NSD3: variants seen among roughly 807,000 people sequenced by gnomAD.
The protein encoded by NSD3 is histone-lysine N-methyltransferase NSD3.
NSD3 carries 24 observed loss-of-function variants against 160.8 expected under a neutral mutation model. The observed-to-expected ratio is 0.15, with a 90% CI of 0.11 to 0.21. The LOEUF (loss-of-function observed/expected upper bound fraction) is 0.21. Among genes scored for constraint, NSD3 ranks in the 10% least tolerant of loss-of-function variants. The probability of loss-of-function intolerance (pLI) is 1.00; values close to 1 mark genes in which losing one functional copy is unlikely to be tolerated. For synonymous variants in NSD3, 520 were observed against 600.0 expected, an observed-to-expected ratio of 0.87 and a Z score of 1.95; for missense variants, 1,157 against 1,735.9, an observed-to-expected ratio of 0.67 and a Z score of 5.93.
chr8:38,379,790 A>G (rs989554560), intron 1 of NSD3, among the ~76,000 whole-genome samples: 1 of 152,230 alleles, frequency 6.6e-6, no homozygotes, highest in Non-Finnish European at 1.5e-5. Flanking sequence ...TTCAATATCA[A>G]TGTGATAGGT....
At chr8:38,314,416 A>G (rs1809607391) in intron 12 of NSD3, among the ~76,000 whole-genome samples, 1 of 152,196 alleles carries the variant, frequency 6.6e-6, no homozygotes. Context: ...ATAAAACACA[A>G]ATTCATCTTG....
chr8:38,358,627 A>G (rs935308857), intron 1 of NSD3, among the ~76,000 whole-genome samples: 3 of 152,218 alleles, frequency 2.0e-5, no homozygotes, highest in Admixed American at 6.5e-5. Context: ...CATAAAGACA[A>G]GCTTAAGCAT....
At chr8:38,315,696 A>G (rs1474785222) in intron 10 of NSD3, 152 bp from the exon 11 acceptor site, 7 of 1,273,740 alleles carry the variant, frequency 5.5e-6, no homozygotes, top group East Asian at 2.5e-5. Context: ...CACAGATATC[A>G]TAGGTCTGCT....
chr8:38,348,592 A>C (rs1362131412), intron 1 of NSD3, among the ~76,000 whole-genome samples: 1 of 152,206 alleles, frequency 6.6e-6, no homozygotes, highest in Non-Finnish European at 1.5e-5. Flanking sequence ...CTTCCATAAG[A>C]GCTTCCTTTA....
chr8:38,276,014 A>C (rs1431767817), intron 23 of NSD3, 132 bp from the exon 24 acceptor site: 7 of 890,330 alleles, frequency 7.9e-6, no homozygotes, highest in Non-Finnish European at 1.2e-5. Context: ...TCCAAATTTC[A>C]ACCAAACATA....
chr8:38,332,994 A>G (rs1005594313), intron 4 of NSD3, among the ~76,000 whole-genome samples: 8 of 152,188 alleles, frequency 5.3e-5, no homozygotes, highest in African/African-American at 1.9e-4. Flanking sequence ...ACCCAAGCAC[A>G]AATCTAATTA....
chr8:38,272,695 TTTAAG>T lies in NSD3; in HGVS notation c.*2941_*2945del, dbSNP rs1195476482. Reference sequence around the variant, plus strand: ...AAATACCACCATTAGCCCATGCTGCTTTAAGTTATTTCATTGTTGGACAAGAATAA... The same window carrying T: ...AAATACCACCATTAGCCCATGCTGCTTTATTTCATTGTTGGACAAGAATAA... On this transcript the variant is annotated 3_prime_UTR_variant, in exon 24 of 24. Transcript: ENST00000317025. 4.6e-5 allele frequency: 7 copies of T among 152,272 alleles called. No homozygotes were observed. The highest frequency in any genetic ancestry group is 2.6e-4 in the Admixed American group (4 of 15,290). The allele number at this position is 152,272 out of a possible 1,614,324, so 9.4% of individuals were successfully genotyped here. A position where few individuals can be genotyped will look rare whatever the true frequency, so the allele number is the denominator to read the frequency against.
At chr8:38,342,374 A>C (rs774924656) in intron 2 of NSD3, among the ~76,000 whole-genome samples, 1 of 152,198 alleles carries the variant, frequency 6.6e-6, no homozygotes, top group African/African-American at 2.4e-5. Context: ...AGAAAGAGAA[A>C]ACATCAGAGA....
Position 38,337,479 on chromosome 8 carries a change from G to T in NSD3, c.748-12C>A, listed in dbSNP as rs755536362. On this transcript the variant is annotated splice_polypyrimidine_tract_variant and intron_variant, in intron 3 of 23. Transcript: ENST00000317025. Reference sequence around the variant, plus strand: ...AGTATTGGCTGAACCTACAGGAAAGGGTCAAAAAACTTCATCAGAAATTCA... The same window carrying T: ...AGTATTGGCTGAACCTACAGGAAAGTGTCAAAAAACTTCATCAGAAATTCA... The T allele has an allele frequency of 9.8e-6, 15 of 1,529,040 alleles. No individual in the cohort carries two copies. The highest frequency in any genetic ancestry group is 1.3e-5 in the Non-Finnish European group (15 of 1,144,546). 94.7% of individuals were successfully genotyped at this position (1,529,040 alleles called of 1,614,324 possible).
Position 38,317,582 on chromosome 8 carries a change from T to C in NSD3, c.1855+1313A>G. The stretch of plus-strand genomic sequence containing the variant: ...TAATATTAAAAAAAATAAGAACTTT[T>C]AATGATTGTAATGTATACAGTTTGG... On this transcript the variant is annotated intron_variant, in intron 9 of 23. Transcript: ENST00000317025. The surrounding 1 kb of genome is among the most constrained non-coding windows in gnomAD (Gnocchi z 5.3). 9.3e-7 allele frequency: 1 copy of C among 1,070,812 alleles called. No homozygotes were observed. 66.3% of individuals were successfully genotyped at this position (1,070,812 alleles called of 1,614,324 possible). A position where few individuals can be genotyped will look rare whatever the true frequency, so the allele number is the denominator to read the frequency against.
intron 15 of NSD3, 79 bp from the exon 16 acceptor site, chr8:38,296,031 C>T: frequency 7.2e-7 from 1 of 1,388,190 alleles, no homozygotes; most frequent in Non-Finnish European, 9.6e-7. Flanking sequence ...GTTATCTTTT[C>T]AGCACATTAA....
Position 38,271,030 on chromosome 8 carries a change from A to G in NSD3, c.*4611T>C, listed in dbSNP as rs1468428816. On this transcript the variant is annotated 3_prime_UTR_variant, in exon 24 of 24. Coordinates refer to ENST00000317025, the MANE Select transcript of NSD3 (RefSeq NM_023034.2). ...TTCCCTACATAGACATAGTAAAAGG[A>G]AAGAAGATGTGCTTGGGGAGAGGGT... 1 of 152,220 alleles carries G rather than the reference A, an allele frequency of 6.6e-6. No homozygotes were observed. The highest frequency in any genetic ancestry group is 1.9e-4 in the East Asian group (1 of 5,196). 9.4% of individuals were successfully genotyped at this position (152,220 alleles called of 1,614,324 possible).
intron 1 of NSD3, among the ~76,000 whole-genome samples, chr8:38,378,506 G>A (rs1188038607): frequency 3.3e-5 from 5 of 152,176 alleles, no homozygotes; most frequent in Admixed American, 2.6e-4. Context: ...GCAGGGCGTG[G>A]TGGCGGGCGC....
rs1029291956 is a variant in NSD3 at position 38,270,864 on chromosome 8, A to C, written c.*4777T>G. 1 of 152,262 alleles carries C rather than the reference A, an allele frequency of 6.6e-6. No homozygotes were observed. Among genetic ancestry groups the C allele is most frequent in the African/African-American group, 2.4e-5 (1 of 41,470 alleles). 9.4% of individuals were successfully genotyped at this position (152,262 alleles called of 1,614,324 possible). A position where few individuals can be genotyped will look rare whatever the true frequency, so the allele number is the denominator to read the frequency against. ...TTCTCATCCCCCTCCCGCTTCATAC[A>C]TACGTGCCACAAGCACCCAAACTTG... On this transcript the variant is annotated 3_prime_UTR_variant, in exon 24 of 24. Coordinates refer to ENST00000317025, the MANE Select transcript of NSD3 (RefSeq NM_023034.2).
intron 1 of NSD3, chr8:38,380,808 G>C (rs185859887): frequency 6.6e-6 from 1 of 152,146 alleles, no homozygotes; most frequent in Non-Finnish European, 1.5e-5. Context: ...ACTGATGTCG[G>C]AGAGGAAAAG....
chr8:38,351,447 G>A (rs1173538263), intron 1 of NSD3, among the ~76,000 whole-genome samples: 1 of 151,210 alleles, frequency 6.6e-6, no homozygotes, highest in African/African-American at 2.4e-5. Context: ...GGTGGATCAC[G>A]AGGTCAGGAG....
chr8:38,373,675 C>T lies in NSD3; in HGVS notation c.-45+8124G>A, dbSNP rs138353711. ...CAATTTGATAAACTAATTTTTTTAA[C>T]CTATGAAATCCCAATAAGCTACCCA... On this transcript the variant is annotated intron_variant, in intron 1 of 23. Transcript: ENST00000317025. Among the ~76,000 whole-genome samples the T allele has an allele frequency of 3.7e-3, 556 of 151,964 alleles. 1 individual carries two copies. The highest frequency in any genetic ancestry group is 0.013 in the African/African-American group (543 of 41,448).
chr8:38,279,940 A>ATAGAAGC (rs1563340529), intron 20 of NSD3: 5 of 371,942 alleles, frequency 1.3e-5, no homozygotes, highest in Non-Finnish European at 2.0e-5. Flanking sequence ...ACCATGGAAT[A>ATAGAAGC]ATGCTATTTA....
intron 14 of NSD3, chr8:38,303,221 T>C (rs1406213476): frequency 2.5e-5 from 25 of 984,510 alleles, no homozygotes; most frequent in Non-Finnish European, 2.9e-5. Context: ...ATTCAACTGA[T>C]AATACAATAA....
Sources: allele counts gnomAD v4.1 joint callset (sites outside exome capture counted in the v4.1 genomes callset), GRCh38; gene constraint gnomAD v4.1.1; non-coding constraint Gnocchi (gnomAD v3.1); transcripts MANE v1.5; gene names NCBI Gene and HGNC (gene_info 2026-07-23, HGNC 2026-07-21).